Variants in MAML3 observed in about 807,000 individuals in gnomAD.
MAML3 encodes mastermind like transcriptional coactivator 3.
Under a neutral mutation model 101.9 loss-of-function variants are expected in MAML3, and 27 were observed. The ratio of observed to expected loss-of-function variants is 0.27; its 90% CI spans 0.20 to 0.37. The LOEUF is 0.37. MAML3 is among the 10% of genes least tolerant of loss of function. MAML3 has a pLI of 1.00. For missense variants in MAML3, 1,316 were observed against 1,444.9 expected (o/e 0.91, Z 1.45); for synonymous variants, 501 against 555.9 (o/e 0.90, Z 1.39).
chr4:139,887,736 C>T (rs1560825177), intron 2 of MAML3, among the ~76,000 whole-genome samples: 2 of 152,288 alleles, frequency 1.3e-5, no homozygotes, highest in South Asian at 4.1e-4. Context: ...GTAAGAACAG[C>T]GAATGTAGAA....
At chr4:139,761,603 G>A (rs1729761988) in intron 2 of MAML3, among the ~76,000 whole-genome samples, 1 of 152,198 alleles carries the variant, frequency 6.6e-6, no homozygotes, top group African/African-American at 2.4e-5. Context: ...CATCCAGCAA[G>A]TATTCGCTGA....
chr4:139,948,101 AAAATAAAT>A (rs59043940), intron 1 of MAML3, among the ~76,000 whole-genome samples: 61 of 143,182 alleles, frequency 4.3e-4, no homozygotes, highest in East Asian at 3.3e-3. Context: ...ACTCCATCTC[AAAATAAAT>A]AAATAAATAA....
At chr4:140,114,979 T>C (rs544975210) in intron 1 of MAML3, among the ~76,000 whole-genome samples, 29 of 152,326 alleles carry the variant, frequency 1.9e-4, no homozygotes, top group African/African-American at 6.7e-4. Flanking sequence ...ACATTATAAC[T>C]TCATTCAACT....
At chr4:140,152,551 G>A (rs1729193351) in intron 1 of MAML3, among the ~76,000 whole-genome samples, 1 of 151,866 alleles carries the variant, frequency 6.6e-6, no homozygotes, top group Non-Finnish European at 1.5e-5. Flanking sequence ...CTTAAGAAAG[G>A]GAAGGGGGGA....
Position 139,785,906 on chromosome 4 carries a change from G to T in MAML3, c.2080-55239C>A, listed in dbSNP as rs955833848. Among the ~76,000 whole-genome samples the T allele has an allele frequency of 6.6e-6, 1 of 152,104 alleles. No individual in the cohort carries two copies. Among genetic ancestry groups the T allele is most frequent in the African/African-American group, 2.4e-5 (1 of 41,410 alleles). ...AAAGTAATTAAATCTTGAATTTTAA[G>T]TTCCCGATGGTAAAATGGGGGTGTT... On this transcript the variant is annotated intron_variant, in intron 2 of 4. Coordinates refer to ENST00000509479, the MANE Select transcript of MAML3 (RefSeq NM_018717.5). This position sits in a 1 kb window ranked among gnomAD's most constrained non-coding sequence, Gnocchi z 4.3.
intron 2 of MAML3, among the ~76,000 whole-genome samples, chr4:139,753,609 C>T (rs1729577415): frequency 6.6e-6 from 1 of 152,116 alleles, no homozygotes; most frequent in African/African-American, 2.4e-5. Context: ...GGAAAAATAT[C>T]TGTATTAGGG....
At chr4:139,722,441 G>A (rs969393798) in intron 4 of MAML3, among the ~76,000 whole-genome samples, 4 of 152,092 alleles carry the variant, frequency 2.6e-5, no homozygotes, top group Non-Finnish European at 5.9e-5. Flanking sequence ...TACTACATGT[G>A]TTAAACAACA....
In MAML3 at chr4:140,115,806, TTC is replaced by T. The variant is rs551724499; in HGVS notation, c.468+37052_468+37053del. Among the ~76,000 whole-genome samples, 375 of 152,338 alleles carry T rather than the reference TTC, an allele frequency of 2.5e-3. 1 individual carries two copies. Among genetic ancestry groups the T allele is most frequent in the African/African-American group, 8.6e-3 (356 of 41,570 alleles). On this transcript the variant is annotated intron_variant, in intron 1 of 4. Coordinates refer to ENST00000509479, the MANE Select transcript of MAML3 (RefSeq NM_018717.5). ...AGGTCAAATTTTTGTGAAATTAAGA[TTC>T]TTTTTTATAATGTAAAAATCATTCT...
chr4:140,043,947 A>G (rs1300265522), intron 1 of MAML3, among the ~76,000 whole-genome samples: 2 of 152,236 alleles, frequency 1.3e-5, no homozygotes, highest in African/African-American at 4.8e-5. Context: ...TGAAAAGATT[A>G]TAAATCTAAA....
At chr4:139,975,815 A>T (rs1268484810) in intron 1 of MAML3, among the ~76,000 whole-genome samples, 1 of 152,200 alleles carries the variant, frequency 6.6e-6, no homozygotes, top group Non-Finnish European at 1.5e-5. Flanking sequence ...CAATGGGAAG[A>T]AAAAAGGAGC....
At chr4:140,087,475 T>C (rs1261636411) in intron 1 of MAML3, among the ~76,000 whole-genome samples, 2 of 152,268 alleles carry the variant, frequency 1.3e-5, no homozygotes, top group African/African-American at 2.4e-5. Flanking sequence ...GAATTTCCTG[T>C]GGTTTCTACG....
At chr4:140,087,426 A>AATGCTAGAAAGTG (rs1727971388) in intron 1 of MAML3, among the ~76,000 whole-genome samples, 2 of 152,378 alleles carry the variant, frequency 1.3e-5, no homozygotes, top group African/African-American at 4.8e-5. Flanking sequence ...CACTGGAAAT[A>AATGCTAGAAAGTG]ATGCTACCAT....
intron 2 of MAML3, among the ~76,000 whole-genome samples, chr4:139,809,232 AC>A (rs1270403878): frequency 6.6e-6 from 1 of 152,226 alleles, no homozygotes; most frequent in Non-Finnish European, 1.5e-5. Context: ...GACAGCCAGA[AC>A]TTAAGGTAGG....
chr4:140,135,661 C>A (rs908036108), intron 1 of MAML3, among the ~76,000 whole-genome samples: 5 of 152,236 alleles, frequency 3.3e-5, no homozygotes, highest in Non-Finnish European at 7.3e-5. Flanking sequence ...AGCCACCATA[C>A]ACCCAATGCC....
chr4:139,924,011 C>T (rs1196229287), intron 1 of MAML3, among the ~76,000 whole-genome samples: 1 of 152,196 alleles, frequency 6.6e-6, no homozygotes, highest in Non-Finnish European at 1.5e-5. Context: ...GACATGAACT[C>T]ACTCCCATCT....
chr4:140,062,702 A>G (rs1043021918), intron 1 of MAML3, among the ~76,000 whole-genome samples: 12 of 152,226 alleles, frequency 7.9e-5, no homozygotes, highest in African/African-American at 2.9e-4. Flanking sequence ...CACATATACA[A>G]TACAAATAGG....
chr4:139,876,666 A>C (rs2111182662), intron 2 of MAML3, among the ~76,000 whole-genome samples: 1 of 152,300 alleles, frequency 6.6e-6, no homozygotes, highest in East Asian at 1.9e-4. Context: ...TCTCACTCAC[A>C]GTGGCTTTTA....
intron 4 of MAML3, among the ~76,000 whole-genome samples, chr4:139,720,890 T>C (rs1022571436): frequency 3.3e-5 from 5 of 152,198 alleles, no homozygotes; most frequent in Non-Finnish European, 7.3e-5. Flanking sequence ...ATTAGACTAA[T>C]TTCCCTTAAG....
At chr4:140,111,022 G>A (rs1194455625) in intron 1 of MAML3, among the ~76,000 whole-genome samples, 2 of 152,124 alleles carry the variant, frequency 1.3e-5, no homozygotes, top group African/African-American at 4.8e-5. Flanking sequence ...GGCCCGAAAT[G>A]TTTTATTTAT....
Sources: gnomAD v4.1 joint callset for allele counts (sites outside exome capture counted in the v4.1 genomes callset) on GRCh38, gnomAD v4.1.1 for gene constraint, Gnocchi (gnomAD v3.1) non-coding constraint, MANE v1.5 for transcripts, NCBI Gene and HGNC (gene_info 2026-07-23, HGNC 2026-07-21) for gene names.